TAFA1: variants seen among roughly 807,000 people sequenced by gnomAD.
The protein encoded by TAFA1 is chemokine-like protein TAFA-1.
TAFA1 carries 4 observed loss-of-function variants against 18.5 expected under a neutral mutation model. That is an observed-to-expected ratio of 0.22 (90% CI 0.11 to 0.49). TAFA1 has a LOEUF of 0.49. Ranked by LOEUF, TAFA1 falls within the 20% of genes least tolerant of loss-of-function variation. The pLI, the probability that TAFA1 is intolerant of heterozygous loss-of-function variation, is 0.98. For missense variants in TAFA1, 147 were observed against 169.0 expected (o/e 0.87, Z 0.72); for synonymous variants, 56 against 55.2 (o/e 1.01, Z -0.06).
intron 2 of TAFA1, among the ~76,000 whole-genome samples, chr3:68,302,919 AC>A (rs1379641880): frequency 1.3e-5 from 2 of 152,190 alleles, no homozygotes; most frequent in Non-Finnish European, 2.9e-5. Context: ...TCTACTACTA[AC>A]TGTCCATGTG....
chr3:68,518,667 T>C (rs1248011395), intron 3 of TAFA1, among the ~76,000 whole-genome samples: 1 of 152,158 alleles, frequency 6.6e-6, no homozygotes, highest in East Asian at 1.9e-4. Context: ...AACCAACTAA[T>C]TGGCTGTTTC....
At chr3:68,317,351 G>A (rs2068620916) in intron 2 of TAFA1, among the ~76,000 whole-genome samples, 1 of 152,092 alleles carries the variant, frequency 6.6e-6, no homozygotes, top group Non-Finnish European at 1.5e-5. Flanking sequence ...ATCTTACTTA[G>A]GCCATATGTC....
intron 2 of TAFA1, among the ~76,000 whole-genome samples, chr3:68,254,793 G>A (rs1205412513): frequency 6.6e-6 from 1 of 152,078 alleles, no homozygotes; most frequent in Non-Finnish European, 1.5e-5. Flanking sequence ...AAGGGCCATT[G>A]TATTATATAG....
chr3:68,162,113 T>C (rs958630704), intron 2 of TAFA1, among the ~76,000 whole-genome samples: 1 of 152,154 alleles, frequency 6.6e-6, no homozygotes, highest in Admixed American at 6.5e-5. Context: ...ATTTCTCACA[T>C]AAAGCCTGAT....
intron 2 of TAFA1, among the ~76,000 whole-genome samples, chr3:68,407,009 G>A (rs1329466188): frequency 6.6e-6 from 1 of 152,146 alleles, no homozygotes; most frequent in African/African-American, 2.4e-5. Flanking sequence ...GTGGGTGGGT[G>A]TTGAGTTGAT....
At chr3:68,425,940 G>A (rs1035120726) in intron 3 of TAFA1, among the ~76,000 whole-genome samples, 24 of 151,880 alleles carry the variant, frequency 1.6e-4, no homozygotes, top group African/African-American at 5.3e-4. Flanking sequence ...GGCTCTGACA[G>A]GTTGATGTTC....
At chr3:68,364,270 T>C (rs1281203554) in intron 2 of TAFA1, among the ~76,000 whole-genome samples, 2 of 152,200 alleles carry the variant, frequency 1.3e-5, no homozygotes, top group Admixed American at 1.3e-4. Flanking sequence ...CCAGACTTGC[T>C]GAGTTAGGGC....
chr3:68,517,916 A>T (rs1224529357), intron 3 of TAFA1, among the ~76,000 whole-genome samples: 1 of 135,604 alleles, frequency 7.4e-6, no homozygotes, highest in Non-Finnish European at 1.6e-5. Flanking sequence ...ATCTGCTCCC[A>T]CTTGCTGATA....
In TAFA1 at chr3:68,534,814, A is replaced by C. The variant is rs184626999; in HGVS notation, c.260-3942A>C. ...AAACTGCTTTGTTAACTTGCAACAAAGTAGATCAGCTCCAAGAGGGCAGAG... is the reference window on the plus strand; with the variant it reads ...AAACTGCTTTGTTAACTTGCAACAACGTAGATCAGCTCCAAGAGGGCAGAG... On this transcript the variant is annotated intron_variant, in intron 3 of 4. Coordinates refer to ENST00000478136, the MANE Select transcript of TAFA1 (RefSeq NM_213609.4). 2.0e-5 allele frequency among the ~76,000 whole-genome samples: 3 copies of C among 152,234 alleles called. No individual in the cohort carries two copies. The East Asian group carries it at 5.8e-4, about 29-fold the overall frequency.
At chr3:68,445,032 A>C (rs1300818785) in intron 3 of TAFA1, among the ~76,000 whole-genome samples, 4 of 152,016 alleles carry the variant, frequency 2.6e-5, no homozygotes, top group Non-Finnish European at 2.9e-5. Flanking sequence ...GAATATGGAC[A>C]GTTATCTTGA....
chr3:68,479,299 T>G (rs1215531331), intron 3 of TAFA1, among the ~76,000 whole-genome samples: 1 of 150,058 alleles, frequency 6.7e-6, no homozygotes, highest in Non-Finnish European at 1.5e-5. Flanking sequence ...CATACACACA[T>G]ATACACTAAT....
At chr3:68,201,258 T>C (rs1462681611) in intron 2 of TAFA1, among the ~76,000 whole-genome samples, 2 of 151,742 alleles carry the variant, frequency 1.3e-5, no homozygotes, top group African/African-American at 2.4e-5. Context: ...TTATAATTTA[T>C]ATTTTTAAAA....
At chr3:68,368,539 G>T (rs1575809789) in intron 2 of TAFA1, among the ~76,000 whole-genome samples, 1 of 151,318 alleles carries the variant, frequency 6.6e-6, no homozygotes, top group Non-Finnish European at 1.5e-5. Context: ...AAGACAGCAG[G>T]GATGTCAGAC....
chr3:68,023,808 G>T (rs73837240), intron 2 of TAFA1, among the ~76,000 whole-genome samples: 4,420 of 152,160 alleles, frequency 0.029, 92 homozygotes, highest in East Asian at 0.13. Flanking sequence ...GCTGACTTTT[G>T]AATGAATTGT....
chr3:68,275,860 C>T (rs930601935), intron 2 of TAFA1, among the ~76,000 whole-genome samples: 1 of 151,980 alleles, frequency 6.6e-6, no homozygotes. Flanking sequence ...ATTTATGCTG[C>T]CCCCAAATGC....
At chr3:68,531,024 C>CAAAACAAAACAA (rs1433980011) in intron 3 of TAFA1, among the ~76,000 whole-genome samples, 331 of 151,024 alleles carry the variant, frequency 2.2e-3, no homozygotes, top group African/African-American at 7.7e-3. Flanking sequence ...AACAACAAAA[C>CAAAACAAAACAA]AAAACAAAAC....
intron 2 of TAFA1, among the ~76,000 whole-genome samples, chr3:68,339,180 C>T (rs1443872193): frequency 2.0e-5 from 3 of 152,246 alleles, no homozygotes; most frequent in Non-Finnish European, 2.9e-5. Context: ...GCAGTGCTTA[C>T]ATCCACCATA....
At chr3:68,051,110 C>CTG (rs10631755) in intron 2 of TAFA1, among the ~76,000 whole-genome samples, 88,577 of 151,714 alleles carry the variant, frequency 0.58, 26,138 homozygotes, top group South Asian at 0.66. Context: ...GTTTTCTCAT[C>CTG]TAAAATAGGG....
chr3:68,417,643 A>G, intron 3 of TAFA1: 2 of 521,000 alleles, frequency 3.8e-6, no homozygotes, highest in South Asian at 2.4e-5. Flanking sequence ...TTTGCTTGCC[A>G]TTGCAGCATT....
Sources: gnomAD v4.1 joint callset for allele counts (sites outside exome capture counted in the v4.1 genomes callset) on GRCh38, gnomAD v4.1.1 for gene constraint, MANE v1.5 for transcripts, NCBI Gene and HGNC (gene_info 2026-07-23, HGNC 2026-07-21) for gene names.